The following AHI1 variants were observed in gnomAD, a reference collection of about 807,000 sequenced individuals.
The protein encoded by AHI1 is jouberin.
Under a neutral mutation model 149.3 loss-of-function variants are expected in AHI1, and 123 were observed. The ratio of observed to expected loss-of-function variants is 0.82; its 90% CI spans 0.71 to 0.96. AHI1 has a LOEUF of 0.96. Ranked by LOEUF, AHI1 falls within the 40% of genes least tolerant of loss-of-function variation. The pLI is 0.00. For missense variants in AHI1, 1,439 were observed against 1,422.7 expected (o/e 1.01, Z -0.18); for synonymous variants, 475 against 459.8 (o/e 1.03, Z -0.42).
chr6:135,302,185 T>C (rs1194319815), intron 26 of AHI1: 1 of 985,414 alleles, frequency 1.0e-6, no homozygotes, highest in East Asian at 1.1e-4. Flanking sequence ...GTATCATTTT[T>C]CTCTCTTTGC....
intron 23 of AHI1, among the ~76,000 whole-genome samples, chr6:135,392,480 C>A (rs1453816841): frequency 1.3e-5 from 2 of 152,138 alleles, no homozygotes; most frequent in African/African-American, 4.8e-5. Context: ...CTAGCATGAG[C>A]GCTAATGGGC....
rs1161171250 is a variant in AHI1 at position 135,318,560 on chromosome 6, CAGGGCTTAAAGG to C, written c.3373_3384del (p.Pro1125_Pro1128del). The stretch of plus-strand genomic sequence containing the variant: ...GATTTTTCTATTTTAGTTTTTTCCT[CAGGGCTTAAAGG>C]AGGGGATCGCTCCTTTATCTCAGGA... On this transcript the variant is annotated inframe_deletion, in exon 26 of 29. Transcript: ENST00000265602. 4 of 1,604,698 alleles carry C rather than the reference CAGGGCTTAAAGG, an allele frequency of 2.5e-6. No homozygotes were observed. The African/African-American group carries it at 5.3e-5, about 21-fold the overall frequency.
chr6:135,364,553 G>A (rs1773821790), intron 23 of AHI1, among the ~76,000 whole-genome samples: 1 of 150,800 alleles, frequency 6.6e-6, no homozygotes, highest in Admixed American at 6.6e-5. Context: ...CTGGGAGGTG[G>A]AGGTTGTAGC....
chr6:135,361,533 T>G (rs145335548), intron 23 of AHI1, among the ~76,000 whole-genome samples: 1 of 152,088 alleles, frequency 6.6e-6, no homozygotes, highest in Non-Finnish European at 1.5e-5. Flanking sequence ...TTATTTCTTA[T>G]GAGAAGGAAG....
Position 135,304,376 on chromosome 6 carries a change from T to C in AHI1, c.3427-3818A>G, listed in dbSNP as rs572943622. ...CCTGATTTCAGAATTACTGATAATG[T>C]ATCTGGTTTACTTGATGTTAAATCC... On this transcript the variant is annotated intron_variant, in intron 26 of 28. Transcript: ENST00000265602. Among the ~76,000 whole-genome samples, 39 of 152,300 alleles carry C rather than the reference T, an allele frequency of 2.6e-4. No individual in the cohort carries two copies. The South Asian group carries it at 7.9e-3, about 31-fold the overall frequency.
At chr6:135,342,191 G>A (rs564464803) in intron 24 of AHI1, among the ~76,000 whole-genome samples, 16 of 151,748 alleles carry the variant, frequency 1.1e-4, no homozygotes, top group Non-Finnish European at 2.4e-4. Flanking sequence ...AAATCAAATA[G>A]CTTATATGAA....
At chr6:135,449,152 G>A (rs896569442) in intron 11 of AHI1, among the ~76,000 whole-genome samples, 1 of 152,082 alleles carries the variant, frequency 6.6e-6, no homozygotes, top group African/African-American at 2.4e-5. Flanking sequence ...GGGTTCAAGT[G>A]ATTCTTGTGC....
chr6:135,332,885 A>G (rs371609780), intron 24 of AHI1, among the ~76,000 whole-genome samples: 13 of 152,360 alleles, frequency 8.5e-5, no homozygotes, highest in Middle Eastern at 3.4e-3. Context: ...GCTCACTGGA[A>G]CATATATTCT....
intron 5 of AHI1, among the ~76,000 whole-genome samples, chr6:135,481,770 C>T (rs1185549565): frequency 1.4e-5 from 2 of 146,908 alleles, no homozygotes; most frequent in African/African-American, 5.0e-5. Flanking sequence ...CTTTTGTGCA[C>T]CTCAAAAAGT....
At chr6:135,360,070 T>A (rs532044594) in intron 23 of AHI1, among the ~76,000 whole-genome samples, 23 of 152,092 alleles carry the variant, frequency 1.5e-4, no homozygotes, top group Non-Finnish European at 3.1e-4. Flanking sequence ...AAGCTTGCAG[T>A]AAAAAATATA....
chr6:135,432,900 G>A (rs888311126), intron 16 of AHI1, 127 bp downstream of exon 16: 1 of 674,632 alleles, frequency 1.5e-6, no homozygotes, highest in Non-Finnish European at 2.5e-6. Context: ...CATATGACCT[G>A]CAAAATAAGC....
rs4896141 is a variant in AHI1, at chr6:135,300,462, C to G, written c.3485+38G>C. On this transcript the variant is annotated intron_variant, in intron 27 of 28. Transcript: ENST00000265602. The stretch of plus-strand genomic sequence containing the variant: ...ATTATCCTTAAAAGAAAACCCCAAC[C>G]ATTTATCACTGCAAATTATTTTGAA... 147,894 of 1,536,176 alleles carry G rather than the reference C, an allele frequency of 0.096. 17,990 individuals carry two copies. Among genetic ancestry groups the G allele is most frequent in the African/African-American group, 0.61 (44,399 of 72,476 alleles).
chr6:135,285,513 T>G lies in AHI1; in HGVS notation c.*132A>C. 1 of 959,654 alleles carries G rather than the reference T, an allele frequency of 1.0e-6. No homozygotes were observed. Among genetic ancestry groups the G allele is most frequent in the Non-Finnish European group, 1.6e-6 (1 of 623,584 alleles). The allele number at this position is 959,654 out of a possible 1,614,324, so 59.4% of individuals were successfully genotyped here. On this transcript the variant is annotated 3_prime_UTR_variant, in exon 29 of 29. Coordinates refer to ENST00000265602, the MANE Select transcript of AHI1 (RefSeq NM_001134831.2). ...ATTCTGATTTTTCTAGAGTCATTCA[T>G]AAGAACAAGAAGTAGTGGATCCTTT...
At chr6:135,426,641 C>A (rs934837961) in intron 20 of AHI1, among the ~76,000 whole-genome samples, 3 of 151,282 alleles carry the variant, frequency 2.0e-5, no homozygotes, top group Non-Finnish European at 4.4e-5. Context: ...ATATGAAAAC[C>A]AGCATATATC....
intron 24 of AHI1, among the ~76,000 whole-genome samples, chr6:135,342,487 AC>A (rs1211519973): frequency 2.6e-5 from 4 of 151,820 alleles, no homozygotes; most frequent in Non-Finnish European, 5.9e-5. Context: ...CTGATGCAAA[AC>A]CCTCAAAAAT....
rs753045684 is a variant in AHI1 at position 135,411,452 on chromosome 6, G to C, written c.2857C>G (p.Pro953Ala). The C allele has an allele frequency of 1.2e-6, 2 of 1,613,790 alleles. No individual in the cohort carries two copies. Among genetic ancestry groups the C allele is most frequent in the South Asian group, 1.1e-5 (1 of 91,062 alleles). The change falls in exon 21 of 29, where the codon CCA becomes GCA. Residue 953 changes from proline to alanine, a missense_variant. Physicochemically the swap from Pro to Ala is conservative, Grantham distance 27. Transcript: ENST00000265602. Reference sequence around the variant, plus strand: ...AAAGAGCCTTGATGGGGTAGTTTTGGACAGGTACATAGGGCATCTTGACTT... The same window carrying C: ...AAAGAGCCTTGATGGGGTAGTTTTGCACAGGTACATAGGGCATCTTGACTT... Reference protein sequence around the residue: ...HQSQDALCTCPKLPHQGSFQI... With the variant: ...HQSQDALCTCAKLPHQGSFQI...
intron 5 of AHI1, 137 bp downstream of exon 5, chr6:135,490,486 A>G: frequency 5.0e-6 from 5 of 1,006,850 alleles, no homozygotes; most frequent in Non-Finnish European, 7.5e-6. Context: ...CTTTATTTTT[A>G]CCACATGTTA....
chr6:135,395,745 T>G (rs1779128485), intron 22 of AHI1, among the ~76,000 whole-genome samples: 1 of 151,916 alleles, frequency 6.6e-6, no homozygotes, highest in Non-Finnish European at 1.5e-5. Flanking sequence ...ATGTGATCTA[T>G]TTTGGAGAAA....
Position 135,303,957 on chromosome 6 carries a change from C to T in AHI1, c.3427-3399G>A, listed in dbSNP as rs117358947. 1.6e-3 allele frequency among the ~76,000 whole-genome samples: 251 copies of T among 152,240 alleles called. 9 individuals are homozygous for T. The East Asian group carries it at 0.046, about 28-fold the overall frequency. ...TGCTACAACTCTGTTTCCGGGAGCA[C>T]AATTTTAGGATTTTAAATATTCACA... On this transcript the variant is annotated intron_variant, in intron 26 of 28. Transcript: ENST00000265602.
Sources: allele counts gnomAD v4.1 joint callset (sites outside exome capture counted in the v4.1 genomes callset), GRCh38; gene constraint gnomAD v4.1.1; transcripts MANE v1.5; gene names NCBI Gene and HGNC (gene_info 2026-07-23, HGNC 2026-07-21).